ACSM2A: variants seen among roughly 807,000 people sequenced by gnomAD.
The protein encoded by ACSM2A is acyl-coenzyme A synthetase ACSM2A, mitochondrial.
Under a neutral mutation model 76.6 loss-of-function variants are expected in ACSM2A, and 72 were observed. The observed-to-expected ratio is 0.94, with a 90% confidence interval of 0.78 to 1.14. The LOEUF is 1.14. Among genes scored for constraint, ACSM2A ranks in the 50% most tolerant of loss-of-function variants. The pLI, the probability that ACSM2A is intolerant of heterozygous loss-of-function variation, is 0.00. For missense variants in ACSM2A, 684 were observed against 708.5 expected, an observed-to-expected ratio of 0.97 and a Z score of 0.39; for synonymous variants, 249 against 255.9, an observed-to-expected ratio of 0.97 and a Z score of 0.26.
intron 12 of ACSM2A, chr16:20,482,134 C>CAAAAAAAAAAA (rs768615976): frequency 2.0e-5 from 1 of 49,732 alleles, no homozygotes; most frequent in Non-Finnish European, 4.9e-5. Context: ...GACTCTGTCT[C>CAAAAAAAAAAA]AAAAAAAAAA....
chr16:20,478,741 G>A, intron 10 of ACSM2A, 64 bp downstream of exon 10: 3 of 1,532,874 alleles, frequency 2.0e-6, no homozygotes, highest in South Asian at 2.5e-5. Context: ...ACGGGATGAG[G>A]GAGGACAAAT....
At chr16:20,483,678 C>T (rs562723002) in intron 13 of ACSM2A, among the ~76,000 whole-genome samples, 11 of 148,044 alleles carry the variant, frequency 7.4e-5, no homozygotes, top group Admixed American at 2.7e-4. Flanking sequence ...TTTTGACTCA[C>T]TCTGAATTAA....
intron 8 of ACSM2A, chr16:20,477,114 G>T: frequency 2.0e-6 from 1 of 499,702 alleles, no homozygotes; most frequent in East Asian, 4.1e-5. Context: ...CCCTAAAAGA[G>T]ATTATAATGT....
rs556204807 is a variant in ACSM2A, at chr16:20,466,559, G to A, written c.388+832G>A. On this transcript the variant is annotated intron_variant, in intron 3 of 13. Coordinates refer to ENST00000573854, the MANE Select transcript of ACSM2A (RefSeq NM_001308172.2). ...TTAAATCCACCTCCCCAGGAAATCA[G>A]AGACTAGAGTTTTTCAAGGATGCTT... 2.2e-4 allele frequency among the ~76,000 whole-genome samples: 33 copies of A among 152,326 alleles called. No individual in the cohort carries two copies. The South Asian group carries it at 6.8e-3, about 32-fold the overall frequency.
chr16:20,461,892 C>G (rs558497664), intron 2 of ACSM2A, among the ~76,000 whole-genome samples: 15 of 151,998 alleles, frequency 9.9e-5, no homozygotes, highest in Non-Finnish European at 2.1e-4. Context: ...AGCTCAGAGA[C>G]TAGGGTTTTC....
At chr16:20,479,645 C>A (rs2013971061) in intron 10 of ACSM2A, among the ~76,000 whole-genome samples, 1 of 152,224 alleles carries the variant, frequency 6.6e-6, no homozygotes, top group Admixed American at 6.5e-5. Flanking sequence ...CAGAGCCACA[C>A]TGTCCCCTTC....
chr16:20,468,863 A>G (rs933843483), intron 3 of ACSM2A, among the ~76,000 whole-genome samples: 2 of 152,244 alleles, frequency 1.3e-5, no homozygotes, highest in African/African-American at 4.8e-5. Context: ...CAGTATCATT[A>G]AGAGCAAAAC....
At chr16:20,477,888 G>A (rs922295420) in intron 9 of ACSM2A, among the ~76,000 whole-genome samples, 1 of 152,164 alleles carries the variant, frequency 6.6e-6, no homozygotes, top group African/African-American at 2.4e-5. Context: ...ATTGGACCAA[G>A]GGATGATGTC....
chr16:20,458,429 T>G (rs1384884602), intron 1 of ACSM2A, among the ~76,000 whole-genome samples: 1 of 119,594 alleles, frequency 8.4e-6, no homozygotes, highest in African/African-American at 3.5e-5. Flanking sequence ...TATATGCAGT[T>G]ATGTAGTATA....
At chr16:20,454,089 C>G (rs1350926341) in intron 1 of ACSM2A, among the ~76,000 whole-genome samples, 2 of 123,332 alleles carry the variant, frequency 1.6e-5, no homozygotes, top group Admixed American at 7.7e-5. Context: ...ACCCTCTCCT[C>G]TTTTAAAATC....
intron 6 of ACSM2A, 46 bp from the exon 7 acceptor site, chr16:20,475,316 G>A (rs377628473): frequency 3.1e-6 from 5 of 1,612,996 alleles, no homozygotes; most frequent in African/African-American, 2.7e-5. Flanking sequence ...CCATAAGTTG[G>A]CATTTGACCT....
intron 1 of ACSM2A, among the ~76,000 whole-genome samples, chr16:20,457,334 TA>T (rs2012240872): frequency 6.6e-6 from 1 of 152,054 alleles, no homozygotes; most frequent in South Asian, 2.1e-4. Context: ...ATTACCCTCA[TA>T]CCCAAACCAG....
intron 1 of ACSM2A, among the ~76,000 whole-genome samples, chr16:20,455,685 A>C: frequency 6.8e-6 from 1 of 148,104 alleles, no homozygotes; most frequent in East Asian, 2.0e-4. Flanking sequence ...ACATCAAAAT[A>C]GAACCTTTTT....
At chr16:20,470,351 C>G (rs1324784049) in intron 4 of ACSM2A, among the ~76,000 whole-genome samples, 5 of 152,152 alleles carry the variant, frequency 3.3e-5, no homozygotes, top group African/African-American at 1.2e-4. Context: ...GGGCAGAGGA[C>G]TTTCCATGTG....
At chr16:20,463,122 C>A (rs1039832149) in intron 2 of ACSM2A, among the ~76,000 whole-genome samples, 1 of 151,124 alleles carries the variant, frequency 6.6e-6, no homozygotes, top group Non-Finnish European at 1.5e-5. Context: ...AGGCGATATA[C>A]CTAATGTTAA....
Position 20,486,659 on chromosome 16 carries a change from GA to G in ACSM2A, c.1719del (p.Ala574ProfsTer33), listed in dbSNP as rs761872444. On this transcript the variant is annotated frameshift_variant, in exon 14 of 14. Coordinates refer to ENST00000573854, the MANE Select transcript of ACSM2A (RefSeq NM_001308172.2). LOFTEE classifies it high-confidence loss of function. ...KLRDKEWKMS[G>X]KARAQ ...CGAGACAAGGAGTGGAAGATGTCCGGAAAAGCCCGTGCGCAGTGAGACATCT... is the reference window on the plus strand; with the variant it reads ...CGAGACAAGGAGTGGAAGATGTCCGGAAAGCCCGTGCGCAGTGAGACATCT... The G allele has an allele frequency of 2.2e-4, 356 of 1,614,060 alleles. No homozygotes were observed. Among genetic ancestry groups the G allele is most frequent in the Non-Finnish European group, 2.9e-4 (338 of 1,180,020 alleles).
At chr16:20,465,849 T>C in intron 3 of ACSM2A, 122 bp downstream of exon 3, 5 of 1,443,766 alleles carry the variant, frequency 3.5e-6, no homozygotes, top group Non-Finnish European at 3.7e-6. Context: ...CTGTATCATA[T>C]GAAGAAAGAC....
At chr16:20,476,455 A>T (rs1418154200) in intron 8 of ACSM2A, 2 of 985,328 alleles carry the variant, frequency 2.0e-6, no homozygotes, top group Non-Finnish European at 2.4e-6. Flanking sequence ...GTACCCTTGG[A>T]AGAACTTTTG....
intron 1 of ACSM2A, among the ~76,000 whole-genome samples, chr16:20,458,925 T>TAC (rs1555497758): frequency 1.1e-4 from 7 of 62,678 alleles, no homozygotes; most frequent in African/African-American, 7.4e-4. Context: ...TATATATATA[T>TAC]ATATATACAT....
Sources: gnomAD v4.1 joint callset for allele counts (sites outside exome capture counted in the v4.1 genomes callset) on GRCh38, gnomAD v4.1.1 for gene constraint, MANE v1.5 for transcripts, NCBI Gene and HGNC (gene_info 2026-07-23, HGNC 2026-07-21) for gene names.